Variants in CCNI2 observed in about 807,000 individuals in gnomAD.
CCNI2 encodes cyclin I family member 2, also known as cyclin-I2.
A neutral mutation model predicts 33.2 loss-of-function variants in CCNI2; 32 were observed. The ratio of observed to expected loss-of-function variants is 0.96; its 90% CI spans 0.73 to 1.30. The LOEUF (loss-of-function observed/expected upper bound fraction) is 1.30. Among genes scored for constraint, CCNI2 ranks in the 50% most tolerant of loss-of-function variants. The pLI, the probability that CCNI2 is intolerant of heterozygous loss-of-function variation, is 0.00. For missense variants in CCNI2, 452 were observed against 486.2 expected, an observed-to-expected ratio of 0.93 and a Z score of 0.66; for synonymous variants, 231 against 219.9, an observed-to-expected ratio of 1.05 and a Z score of -0.45.
At position 132,747,948 on chromosome 5, in the gene CCNI2, C is replaced by G. The variant is rs115054484; in HGVS notation, c.429+24C>G. 2.9e-6 allele frequency: 4 copies of G among 1,364,716 alleles called. No homozygotes were observed. Among genetic ancestry groups the G allele is most frequent in the Non-Finnish European group, 9.4e-7 (1 of 1,065,506 alleles). The allele number at this position is 1,364,716 out of a possible 1,614,324, so 84.5% of individuals were successfully genotyped here. On this transcript the variant is annotated intron_variant, in intron 1 of 5. Transcript: ENST00000378731. The surrounding 1 kb of genome is among the most constrained non-coding windows in gnomAD (Gnocchi z 4.1). ...AGGTACCCGTCGCTGCCGCGTGGCC[C>G]TCCTCGCGCGTGCACGGCAGGCGGA...
At position 132,753,592 on chromosome 5, in the gene CCNI2, C is replaced by T. The variant is rs1277043796; in HGVS notation, c.*622C>T. Reference sequence around the variant, plus strand: ...TATGCTTTGTTTAATGTAACTTGAGCAAGCTTTAGGCATATCTTTCCTTTG... The same window carrying T: ...TATGCTTTGTTTAATGTAACTTGAGTAAGCTTTAGGCATATCTTTCCTTTG... On this transcript the variant is annotated 3_prime_UTR_variant, in exon 6 of 6. Coordinates refer to ENST00000378731, the MANE Select transcript of CCNI2 (RefSeq NM_001039780.4). 1 of 152,706 alleles carries T rather than the reference C, an allele frequency of 6.5e-6. No individual in the cohort carries two copies. Among genetic ancestry groups the T allele is most frequent in the Non-Finnish European group, 1.5e-5 (1 of 68,396 alleles). The allele number at this position is 152,706 out of a possible 1,614,324, so 9.5% of individuals were successfully genotyped here. A position where few individuals can be genotyped will look rare whatever the true frequency, so the allele number is the denominator to read the frequency against.
In CCNI2 at chr5:132,748,949, G is replaced by GA. The variant is rs567844480; in HGVS notation, c.559-391dup. 1.9e-3 allele frequency among the ~76,000 whole-genome samples: 296 copies of GA among 151,874 alleles called. 3 individuals are homozygous for GA. The highest frequency in any genetic ancestry group is 3.0e-3 in the African/African-American group (125 of 41,406). On this transcript the variant is annotated intron_variant, in intron 2 of 5. Coordinates refer to ENST00000378731, the MANE Select transcript of CCNI2 (RefSeq NM_001039780.4). Reference sequence around the variant, plus strand: ...GAGAAATTGAGCCTTTTAAAAATGGGAAAAAAAAGCTTATTAAAACAAACG... The same window carrying GA: ...GAGAAATTGAGCCTTTTAAAAATGGGAAAAAAAAAGCTTATTAAAACAAACG...
At chr5:132,755,486 A>C (rs1405216036), downstream of CCNI2, among the ~76,000 whole-genome samples, 1 of 152,048 alleles carries the variant, frequency 6.6e-6, no homozygotes, top group Non-Finnish European at 1.5e-5. Context: ...CAGCGTTCAA[A>C]TCTCAACTTC....
At position 132,751,011 on chromosome 5, in the gene CCNI2, T is replaced by C; in HGVS notation, c.774+14T>C. 3.7e-6 allele frequency: 6 copies of C among 1,610,888 alleles called. No individual in the cohort carries two copies. The highest frequency in any genetic ancestry group is 5.1e-6 in the Non-Finnish European group (6 of 1,179,192). On this transcript the variant is annotated intron_variant, in intron 4 of 5. Coordinates refer to ENST00000378731, the MANE Select transcript of CCNI2 (RefSeq NM_001039780.4). ...TTCTTGACTATAGTGAGTAAGGAGG[T>C]GTTTACAGAGTCTACCCTAAACTCG...
chr5:132,751,048 G>T (rs761385984), intron 4 of CCNI2, 51 bp downstream of exon 4: 1 of 1,597,408 alleles, frequency 6.3e-7, no homozygotes, highest in East Asian at 2.2e-5. Flanking sequence ...TTGTGCCTTT[G>T]GAACAGCTGT....
In CCNI2 at chr5:132,747,991, C is replaced by G. The variant is rs1754660983; in HGVS notation, c.429+67C>G. On this transcript the variant is annotated intron_variant, in intron 1 of 5. Transcript: ENST00000378731. This position sits in a 1 kb window ranked among gnomAD's most constrained non-coding sequence, Gnocchi z 4.1. ...CAGGCGGATGTGGCCTCCACCTGCA[C>G]CCGCGCTCGGGTGTTCTGAAACTGG... The G allele has an allele frequency of 7.5e-7, 1 of 1,335,418 alleles. No individual in the cohort carries two copies. The highest frequency in any genetic ancestry group is 9.6e-7 in the Non-Finnish European group (1 of 1,038,832). The allele number at this position is 1,335,418 out of a possible 1,614,324, so 82.7% of individuals were successfully genotyped here.
chr5:132,748,034 A>G, intron 1 of CCNI2, 110 bp downstream of exon 1: 1 of 1,175,406 alleles, frequency 8.5e-7, no homozygotes. Flanking sequence ...GCCCTTCCCC[A>G]GGTGTGGCCC....
At chr5:132,751,942 A>G (rs1754877604) in intron 4 of CCNI2, 24 bp from the exon 5 acceptor site, 1 of 1,587,566 alleles carries the variant, frequency 6.3e-7, no homozygotes. Flanking sequence ...TTTCTGTTCT[A>G]ACATTAAAAA....
chr5:132,748,509 T>C (rs1290378381), intron 2 of CCNI2, 34 bp downstream of exon 2: 6 of 1,611,730 alleles, frequency 3.7e-6, no homozygotes, highest in Admixed American at 1.7e-5. Flanking sequence ...TGGCAGATGG[T>C]GAGAGAAGAA....
chr5:132,749,563 C>A, intron 3 of CCNI2, 141 bp downstream of exon 3: 1 of 680,016 alleles, frequency 1.5e-6, no homozygotes. Context: ...GGCATCTCTG[C>A]TATCCCTTCC....
chr5:132,754,385 A>C lies in CCNI2; in HGVS notation c.*1415A>C, dbSNP rs751630071. ...AGTGTAAGTGGGACCACAGTGCATG[A>C]GGCAGAAGGACATCCTGAGGGCCCA... is the stretch of plus-strand genomic sequence containing the variant. On this transcript the variant is annotated 3_prime_UTR_variant, in exon 6 of 6. Transcript: ENST00000378731. 1 of 717,264 alleles carries C rather than the reference A, an allele frequency of 1.4e-6. No individual in the cohort carries two copies. Among genetic ancestry groups the C allele is most frequent in the East Asian group, 2.7e-5 (1 of 37,286 alleles). 44.4% of individuals were successfully genotyped at this position (717,264 alleles called of 1,614,324 possible). A position where few individuals can be genotyped will look rare whatever the true frequency, so the allele number is the denominator to read the frequency against.
In CCNI2 at chr5:132,751,246, A is replaced by G. The variant is rs549394201; in HGVS notation, c.774+249A>G. The stretch of plus-strand genomic sequence containing the variant: ...ACAAAGATTTTTAGACGGCACTATT[A>G]TGGTGAGTTTCTCTTTTAAATACAC... On this transcript the variant is annotated intron_variant, in intron 4 of 5. Coordinates refer to ENST00000378731, the MANE Select transcript of CCNI2 (RefSeq NM_001039780.4). 7.2e-6 allele frequency: 3 copies of G among 415,332 alleles called. No individual in the cohort carries two copies. In the East Asian group the frequency reaches 1.2e-4, roughly 17 times the overall value. 25.7% of individuals were successfully genotyped at this position (415,332 alleles called of 1,614,324 possible).
chr5:132,748,333 C>T lies in CCNI2; in HGVS notation c.430-14C>T, dbSNP rs200475276. 2.5e-6 allele frequency: 4 copies of T among 1,613,798 alleles called. No individual in the cohort carries two copies. Among genetic ancestry groups the T allele is most frequent in the Non-Finnish European group, 3.4e-6 (4 of 1,179,798 alleles). ...AGCGACCTTCCTCGCCCCACCTGCT[C>T]TTCTTCCTAGCAGGATGAAATCTGC... On this transcript the variant is annotated splice_polypyrimidine_tract_variant and intron_variant, in intron 1 of 5. Coordinates refer to ENST00000378731, the MANE Select transcript of CCNI2 (RefSeq NM_001039780.4).
chr5:132,747,889 C>A lies in CCNI2; in HGVS notation c.394C>A (p.Arg132Ser), dbSNP rs2149933016. 2 of 1,410,502 alleles carry A rather than the reference C, an allele frequency of 1.4e-6. No individual in the cohort carries two copies. Among genetic ancestry groups the A allele is most frequent in the East Asian group, 3.0e-5 (1 of 33,836 alleles). 87.4% of individuals were successfully genotyped at this position (1,410,502 alleles called of 1,614,324 possible). A position where few individuals can be genotyped will look rare whatever the true frequency, so the allele number is the denominator to read the frequency against. Residue 132 changes from arginine (R) to serine (S), a missense_variant, in exon 1 of 6, where the codon CGC (arginine) becomes AGC (serine). By Grantham distance (110) the Arg-to-Ser change is moderately radical. Coordinates refer to ENST00000378731, the MANE Select transcript of CCNI2 (RefSeq NM_001039780.4). This position sits in a 1 kb window ranked among gnomAD's most constrained non-coding sequence, Gnocchi z 4.1. The part of the protein sequence containing the change: ...LLCHLQLAQD[R>S]EARLWRGGKP... ...CTGCCACTTGCAGCTGGCCCAGGACCGCGAGGCGCGCCTGTGGCGGGGCGG... is the reference window on the plus strand; with the variant it reads ...CTGCCACTTGCAGCTGGCCCAGGACAGCGAGGCGCGCCTGTGGCGGGGCGG...
At chr5:132,752,369 C>T (rs1399215165) in intron 5 of CCNI2, among the ~76,000 whole-genome samples, 173 bp downstream of exon 5, 2 of 152,168 alleles carry the variant, frequency 1.3e-5, no homozygotes, top group Non-Finnish European at 2.9e-5. Context: ...ACGCTCTATG[C>T]ACTTGAGATG....
At chr5:132,751,859 A>C (rs1754870270) in intron 4 of CCNI2, 107 bp from the exon 5 acceptor site, 1 of 1,331,926 alleles carries the variant, frequency 7.5e-7, no homozygotes, top group Non-Finnish European at 1.0e-6. Context: ...AGGGTTGGGC[A>C]ACATTTGATG....
At position 132,751,002 on chromosome 5, in the gene CCNI2, G is replaced by A. The variant is rs769935355; in HGVS notation, c.774+5G>A. The A allele has an allele frequency of 2.5e-6, 4 of 1,612,028 alleles. No homozygotes were observed. In the East Asian group the frequency reaches 8.9e-5, roughly 36 times the overall value. The stretch of plus-strand genomic sequence containing the variant: ...CCGCTGGACTTCTTGACTATAGTGA[G>A]TAAGGAGGTGTTTACAGAGTCTACC... On this transcript the variant is annotated splice_donor_5th_base_variant and intron_variant, in intron 4 of 5. Transcript: ENST00000378731.
At chr5:132,749,481 G>A (rs1684381954) in intron 3 of CCNI2, 59 bp downstream of exon 3, 2 of 1,380,344 alleles carry the variant, frequency 1.4e-6, no homozygotes, top group Non-Finnish European at 2.1e-6. Context: ...TGTAACATTG[G>A]AGGACTCCAG....
In CCNI2 at chr5:132,752,909, A is replaced by G. The variant is rs1399799247; in HGVS notation, c.1049A>G (p.Gln350Arg). ...AGCTGCTGCAAGGAACTTGTAATGC[A>G]GCAACTGAGAAGTCTTCAGTCATCC... ...QYSCCKELVM[Q>R]QLRSLQSSSC... The change falls in exon 6 of 6, where the codon CAG becomes CGG. Residue 350 changes from glutamine (Q) to arginine (R), a missense_variant. Coordinates refer to ENST00000378731, the MANE Select transcript of CCNI2 (RefSeq NM_001039780.4). The G allele has an allele frequency of 1.2e-6, 2 of 1,614,216 alleles. No homozygotes were observed. The highest frequency in any genetic ancestry group is 1.7e-6 in the Non-Finnish European group (2 of 1,180,036).
Sources: gnomAD v4.1 joint callset for allele counts (sites outside exome capture counted in the v4.1 genomes callset) on GRCh38, gnomAD v4.1.1 for gene constraint, Gnocchi (gnomAD v3.1) non-coding constraint, MANE v1.5 for transcripts, NCBI Gene and HGNC (gene_info 2026-07-23, HGNC 2026-07-21) for gene names.